SLC23A2: variants seen among roughly 807,000 people sequenced by gnomAD.
SLC23A2 encodes the protein solute carrier family 23 member 2.
Under a neutral mutation model 73.3 loss-of-function variants are expected in SLC23A2, and 36 were observed. The observed-to-expected ratio is 0.49, with a 90% CI of 0.38 to 0.65. The LOEUF (loss-of-function observed/expected upper bound fraction) is 0.65, where lower values mean the gene tolerates loss of function less well. Among genes scored for constraint, SLC23A2 ranks in the 30% least tolerant of loss-of-function variants. The pLI is 0.00. For synonymous variants in SLC23A2, 343 were observed against 327.3 expected (o/e 1.05, Z -0.52); for missense variants, 507 against 841.6 (o/e 0.60, Z 4.92).
intron 11 of SLC23A2, among the ~76,000 whole-genome samples, chr20:4,871,028 T>G (rs1011555148): frequency 6.6e-6 from 1 of 152,240 alleles, no homozygotes; most frequent in Non-Finnish European, 1.5e-5. Flanking sequence ...TATATTTATT[T>G]GGACTTGAAA....
chr20:4,875,171 A>G (rs1930606697), intron 9 of SLC23A2, among the ~76,000 whole-genome samples: 1 of 152,254 alleles, frequency 6.6e-6, no homozygotes, highest in Non-Finnish European at 1.5e-5. Context: ...ATTCGCTTTG[A>G]GTAGTTACAT....
chr20:4,937,432 G>A (rs933123749), intron 2 of SLC23A2, among the ~76,000 whole-genome samples: 9 of 152,188 alleles, frequency 5.9e-5, no homozygotes, highest in African/African-American at 2.2e-4. Flanking sequence ...GAGGAGCAGA[G>A]GGATAGAAGA....
At chr20:4,934,427 T>C (rs79530091) in intron 2 of SLC23A2, among the ~76,000 whole-genome samples, 4,951 of 152,200 alleles carry the variant, frequency 0.033, 114 homozygotes, top group South Asian at 0.069. Flanking sequence ...CTCCCAAGGA[T>C]GGCATCCCAG....
At position 4,853,094 on chromosome 20, in the gene SLC23A2, G is replaced by C. The variant is rs1929585108; in HGVS notation, c.*3878C>G. On this transcript the variant is annotated 3_prime_UTR_variant, in exon 17 of 17. Transcript: ENST00000338244. ...ACAACAGGCAGCACGTTAAGTCCCT[G>C]GGCTCTTTTCCAAAGCCAAGAGGAG... The C allele has an allele frequency of 6.6e-6, 1 of 152,294 alleles. No homozygotes were observed. Among genetic ancestry groups the C allele is most frequent in the Non-Finnish European group, 1.5e-5 (1 of 68,068 alleles). The allele number at this position is 152,294 out of a possible 1,614,324, so 9.4% of individuals were successfully genotyped here.
At chr20:4,895,219 A>G (rs1216108160) in intron 6 of SLC23A2, among the ~76,000 whole-genome samples, 1 of 152,180 alleles carries the variant, frequency 6.6e-6, no homozygotes, top group East Asian at 1.9e-4. Context: ...ATGAGTGGTG[A>G]GCTTCTCCAA....
In SLC23A2 at chr20:4,903,301, T is replaced by C. The variant is rs567757991; in HGVS notation, c.208-743A>G. On this transcript the variant is annotated intron_variant, in intron 4 of 16. Transcript: ENST00000338244. ...TAGGTTAGAGTCCAGCCTCTTCCAATCACCCCCAGCATCAGTTCTGAACTC... is the reference window on the plus strand; with the variant it reads ...TAGGTTAGAGTCCAGCCTCTTCCAACCACCCCCAGCATCAGTTCTGAACTC... 3.3e-3 allele frequency among the ~76,000 whole-genome samples: 500 copies of C among 152,224 alleles called. 2 individuals are homozygous for C. Among genetic ancestry groups the C allele is most frequent in the Non-Finnish European group, 3.1e-3 (213 of 68,018 alleles).
intron 2 of SLC23A2, among the ~76,000 whole-genome samples, chr20:4,961,981 A>G (rs1305023117): frequency 6.6e-6 from 1 of 152,244 alleles, no homozygotes; most frequent in South Asian, 2.1e-4. Context: ...GCAAGGCAGC[A>G]TGAGGTGAGA....
Position 4,862,797 on chromosome 20 carries a change from G to A in SLC23A2, c.1467C>T (p.Ala489=). The change falls in exon 14 of 17, where the codon GCC becomes GCT. Residue 489 remains alanine (A), a synonymous_variant. Coordinates refer to ENST00000338244, the MANE Select transcript of SLC23A2 (RefSeq NM_005116.6). This position sits in a 1 kb window ranked among gnomAD's most constrained non-coding sequence, Gnocchi z 5.1. Reference sequence around the variant, plus strand: ...TCTTACCAAAGAGCGTGCAGAACAGGGCTCCCAGCACAGGATCCGGAAGGG... The same window carrying A: ...TCTTACCAAAGAGCGTGCAGAACAGAGCTCCCAGCACAGGATCCGGAAGGG... ...FASLPDPVLG[A]LFCTLFGMIT... is the part of the protein sequence containing the mutation. 6.2e-7 allele frequency: 1 copy of A among 1,613,794 alleles called. No individual in the cohort carries two copies. Among genetic ancestry groups the A allele is most frequent in the Non-Finnish European group, 8.5e-7 (1 of 1,179,944 alleles).
intron 4 of SLC23A2, among the ~76,000 whole-genome samples, chr20:4,909,231 G>A (rs190625243): frequency 1.2e-4 from 19 of 152,122 alleles, no homozygotes; most frequent in Admixed American, 3.3e-4. Flanking sequence ...TACTGGTTGC[G>A]CATCACAATC....
chr20:4,923,592 T>C (rs1008837121), intron 3 of SLC23A2, among the ~76,000 whole-genome samples: 1 of 152,222 alleles, frequency 6.6e-6, no homozygotes, highest in Non-Finnish European at 1.5e-5. Context: ...CAGGCCCTTC[T>C]TGGAATCATA....
intron 2 of SLC23A2, among the ~76,000 whole-genome samples, chr20:4,943,007 A>C (rs367821866): frequency 2.0e-5 from 3 of 152,062 alleles, no homozygotes; most frequent in South Asian, 4.2e-4. Context: ...TGAGGCCAAG[A>C]GTTCGAGATC....
chr20:4,938,420 C>A (rs1301824923), intron 2 of SLC23A2, among the ~76,000 whole-genome samples: 1 of 150,998 alleles, frequency 6.6e-6, no homozygotes, highest in Non-Finnish European at 1.5e-5. Flanking sequence ...CTCACCACAA[C>A]CTCCACCTCC....
chr20:4,945,835 G>A (rs1306563600), intron 2 of SLC23A2, among the ~76,000 whole-genome samples: 1 of 152,106 alleles, frequency 6.6e-6, no homozygotes, highest in Non-Finnish European at 1.5e-5. Context: ...CCAAGTGCCC[G>A]ACTTAAATCA....
intron 13 of SLC23A2, among the ~76,000 whole-genome samples, chr20:4,864,848 T>C (rs967338920): frequency 2.0e-5 from 3 of 152,148 alleles, no homozygotes; most frequent in Non-Finnish European, 4.4e-5. Flanking sequence ...CAAAGACTCC[T>C]GGCAGGGTCG....
chr20:4,903,418 T>TA (rs1568616895), intron 4 of SLC23A2, among the ~76,000 whole-genome samples: 2 of 152,182 alleles, frequency 1.3e-5, no homozygotes, highest in Admixed American at 6.5e-5. Context: ...ACCACACAAA[T>TA]AATCTTTCCT....
chr20:4,912,619 A>ACCTGGATCCT (rs1325615130), intron 4 of SLC23A2, among the ~76,000 whole-genome samples: 1 of 144,776 alleles, frequency 6.9e-6, no homozygotes, highest in African/African-American at 2.6e-5. Context: ...CTTTTTAAAT[A>ACCTGGATCCT]CCTGGATCCT....
chr20:4,871,054 T>A (rs1019664052), intron 11 of SLC23A2, among the ~76,000 whole-genome samples: 2 of 152,194 alleles, frequency 1.3e-5, no homozygotes, highest in African/African-American at 2.4e-5. Flanking sequence ...AGGTCTTACT[T>A]AACAAAAATA....
At chr20:4,858,973 G>C (rs749657810) in intron 16 of SLC23A2, among the ~76,000 whole-genome samples, 2 of 152,168 alleles carry the variant, frequency 1.3e-5, no homozygotes, top group Non-Finnish European at 2.9e-5. Context: ...CAGGGCCTTT[G>C]GCACAGGCTG....
chr20:4,932,769 C>A (rs1932803551), intron 2 of SLC23A2, 53 bp from the exon 3 acceptor site: 2 of 531,390 alleles, frequency 3.8e-6, no homozygotes, highest in Non-Finnish European at 6.7e-6. Context: ...ACAACACAGG[C>A]CATGCAGTCA....
Sources: allele counts gnomAD v4.1 joint callset (sites outside exome capture counted in the v4.1 genomes callset), GRCh38; gene constraint gnomAD v4.1.1; non-coding constraint Gnocchi (gnomAD v3.1); transcripts MANE v1.5; gene names NCBI Gene and HGNC (gene_info 2026-07-23, HGNC 2026-07-21).